QSER1: variants seen among roughly 807,000 people sequenced by gnomAD.
The protein encoded by QSER1 is glutamine and serine rich 1.
Under a neutral mutation model 158.5 loss-of-function variants are expected in QSER1, and 49 were observed. The observed-to-expected ratio is 0.31, with a 90% CI of 0.25 to 0.39. The LOEUF is 0.39. QSER1 is among the 10% of genes least tolerant of loss of function. QSER1 has a pLI of 1.00. For missense variants in QSER1, 1,754 were observed against 2,010.3 expected, an observed-to-expected ratio of 0.87 and a Z score of 2.44; for synonymous variants, 650 against 715.5, an observed-to-expected ratio of 0.91 and a Z score of 1.46.
intron 4 of QSER1, among the ~76,000 whole-genome samples, chr11:32,943,446 G>A (rs1000616951): frequency 2.5e-4 from 38 of 151,736 alleles, no homozygotes; most frequent in East Asian, 2.1e-3. Flanking sequence ...AGCATGAAGC[G>A]TTGTTGAATT....
intron 4 of QSER1, among the ~76,000 whole-genome samples, chr11:32,941,631 T>TTG (rs1852239188): frequency 6.6e-6 from 1 of 152,194 alleles, no homozygotes. Flanking sequence ...CAGTCTATCA[T>TTG]TGTAGGACAT....
rs184324583 is a variant in QSER1, at chr11:32,957,971, G to A, written c.4854G>A (p.Gln1618=). 1.4e-5 allele frequency: 23 copies of A among 1,614,038 alleles called. 1 individual carries two copies. In the African/African-American group the frequency reaches 2.7e-4, roughly 19 times the overall value. ...CTTCCGTGAAACCCAAAGTTAAACAGCCAAAAGTAAAGGCTGAGCCACCAC... is the reference window on the plus strand; with the variant it reads ...CTTCCGTGAAACCCAAAGTTAAACAACCAAAAGTAAAGGCTGAGCCACCAC... ...KAPSVKPKVK[Q]PKVKAEPPPK... is the part of the protein sequence containing the mutation. The change falls in exon 8 of 13, where the codon CAG becomes CAA. Residue 1618 remains glutamine (Q), a synonymous_variant. Coordinates refer to ENST00000650167, the MANE Select transcript of QSER1 (RefSeq NM_001076786.3).
intron 10 of QSER1, among the ~76,000 whole-genome samples, chr11:32,970,200 T>C (rs912766878): frequency 6.6e-6 from 1 of 152,220 alleles, no homozygotes; most frequent in Non-Finnish European, 1.5e-5. Context: ...TTATGTGAAC[T>C]CCATGTAAAA....
At chr11:32,943,767 T>A (rs1471252211) in intron 4 of QSER1, among the ~76,000 whole-genome samples, 1 of 152,060 alleles carries the variant, frequency 6.6e-6, no homozygotes, top group Admixed American at 6.6e-5. Context: ...TTAGGGAGGA[T>A]TCCCTCTTTT....
chr11:32,932,657 G>T lies in QSER1; in HGVS notation c.1399G>T (p.Val467Phe). The T allele has an allele frequency of 6.2e-7, 1 of 1,614,118 alleles. No homozygotes were observed. The highest frequency in any genetic ancestry group is 8.5e-7 in the Non-Finnish European group (1 of 1,180,024). ...AGCGCAGCTACCAAGCCTTTTATCA[G>T]TTAGTCAGTCCCAAAATTACGGTTT... is the stretch of plus-strand genomic sequence containing the variant. ...STAQLPSLLS[V>F]SQSQNYGLVQ... Residue 467 changes from valine (V) to phenylalanine (F), a missense_variant, in exon 4 of 13, where the codon GTT (valine) becomes TTT (phenylalanine). Val to Phe is a conservative substitution (Grantham distance 50). This residue lies in a region of QSER1 where 1,707 missense variants were observed against 1,919.6 expected (regional missense o/e 0.89). Coordinates refer to ENST00000650167, the MANE Select transcript of QSER1 (RefSeq NM_001076786.3).
intron 12 of QSER1, 171 bp downstream of exon 12, chr11:32,975,514 TGTTTTGTGCTCA>T: frequency 6.8e-7 from 1 of 1,472,488 alleles, no homozygotes; most frequent in Non-Finnish European, 9.0e-7. Context: ...CTCTCTGCTA[TGTTTTGTGCTCA>T]GATTTACCCG....
At chr11:32,954,657 T>C (rs1230540796) in intron 5 of QSER1, among the ~76,000 whole-genome samples, 1 of 152,238 alleles carries the variant, frequency 6.6e-6, no homozygotes, top group South Asian at 2.1e-4. Flanking sequence ...TTGGGGTTTC[T>C]GTTTGCTTGC....
At chr11:32,943,691 TTC>T (rs1406608853) in intron 4 of QSER1, among the ~76,000 whole-genome samples, 2 of 151,578 alleles carry the variant, frequency 1.3e-5, no homozygotes, top group African/African-American at 2.4e-5. Flanking sequence ...TGGTCTAAAA[TTC>T]TCTTTTTTGG....
chr11:32,965,847 A>G (rs1426511210), intron 8 of QSER1, among the ~76,000 whole-genome samples: 1 of 151,900 alleles, frequency 6.6e-6, no homozygotes, highest in East Asian at 1.9e-4. Flanking sequence ...AGGTTGAGGC[A>G]GGAGAATTGC....
At chr11:32,958,884 T>C (rs1182228769) in intron 8 of QSER1, among the ~76,000 whole-genome samples, 1 of 152,210 alleles carries the variant, frequency 6.6e-6, no homozygotes, top group Non-Finnish European at 1.5e-5. Context: ...GTTTTCTTGT[T>C]TTATAAAATG....
In QSER1 at chr11:32,977,042, G is replaced by A. The variant is rs1038627063; in HGVS notation, c.*568G>A. 1.3e-5 allele frequency: 2 copies of A among 152,526 alleles called. No individual in the cohort carries two copies. The highest frequency in any genetic ancestry group is 2.9e-5 in the Non-Finnish European group (2 of 68,024). 9.4% of individuals were successfully genotyped at this position (152,526 alleles called of 1,614,324 possible). A position where few individuals can be genotyped will look rare whatever the true frequency, so the allele number is the denominator to read the frequency against. On this transcript the variant is annotated 3_prime_UTR_variant, in exon 13 of 13. Coordinates refer to ENST00000650167, the MANE Select transcript of QSER1 (RefSeq NM_001076786.3). Reference sequence around the variant, plus strand: ...ACTCCTTTTACTCTTAACATGTTCAGGAAACTGGATGTGGAATTGGTGCAA... The same window carrying A: ...ACTCCTTTTACTCTTAACATGTTCAAGAAACTGGATGTGGAATTGGTGCAA...
Position 32,933,213 on chromosome 11 carries a change from C to G in QSER1, c.1955C>G (p.Ser652Cys), listed in dbSNP as rs756793225. The change falls in exon 4 of 13, where the codon TCT becomes TGT. Residue 652 changes from serine to cysteine, a missense_variant. This residue lies in a region of QSER1 where 1,707 missense variants were observed against 1,919.6 expected (regional missense o/e 0.89). Transcript: ENST00000650167. ...QKFLPAVQSS[S>C]FASSTHCQTL... ...TTTTTGCCTGCTGTCCAGTCATCAT[C>G]TTTTGCATCCTCTACTCATTGTCAG... 18 of 1,613,926 alleles carry G rather than the reference C, an allele frequency of 1.1e-5. No homozygotes were observed. The African/African-American group carries it at 2.3e-4, about 20-fold the overall frequency.
chr11:32,934,036 CCTCT>C lies in QSER1; in HGVS notation c.2781_2784del (p.Glu929LeufsTer9). On this transcript the variant is annotated frameshift_variant, in exon 4 of 13. Transcript: ENST00000650167. LOFTEE classifies it high-confidence loss of function. ...AAAATTCTGAAGTTATGAAAATGGA[CCTCT>C]CTGAGTCTTCAAAACCATTACAACA... 1.2e-6 allele frequency: 2 copies of C among 1,613,658 alleles called. No homozygotes were observed. The highest frequency in any genetic ancestry group is 1.7e-6 in the Non-Finnish European group (2 of 1,179,868).
chr11:32,932,170 T>C lies in QSER1; in HGVS notation c.912T>C (p.Thr304=), dbSNP rs1341689795. ...AYSSTLFTSS[T]ASIERALLRE... The stretch of plus-strand genomic sequence containing the variant: ...GTTCAACTCTCTTTACTAGTTCTAC[T>C]GCTTCCATTGAAAGAGCTCTTCTTC... The change falls in exon 4 of 13, where the codon ACT becomes ACC. Residue 304 remains threonine (T), a synonymous_variant. Coordinates refer to ENST00000650167, the MANE Select transcript of QSER1 (RefSeq NM_001076786.3). 6.2e-7 allele frequency: 1 copy of C among 1,614,228 alleles called. No individual in the cohort carries two copies. The highest frequency in any genetic ancestry group is 1.7e-5 in the Admixed American group (1 of 60,020).
intron 8 of QSER1, among the ~76,000 whole-genome samples, chr11:32,958,989 G>T (rs571294507): frequency 6.6e-6 from 1 of 152,142 alleles, no homozygotes; most frequent in Non-Finnish European, 1.5e-5. Flanking sequence ...ATTTATGTAG[G>T]TATATCTATT....
At chr11:32,929,934 G>C (rs1165467956) in intron 3 of QSER1, among the ~76,000 whole-genome samples, 2 of 152,170 alleles carry the variant, frequency 1.3e-5, no homozygotes, top group African/African-American at 4.8e-5. Flanking sequence ...GATATTCTCT[G>C]TCCTTTCTAA....
intron 1 of QSER1, among the ~76,000 whole-genome samples, chr11:32,906,371 G>A (rs569916347): frequency 3.5e-4 from 53 of 152,210 alleles, no homozygotes; most frequent in African/African-American, 1.2e-3. Context: ...GCAGTGAGCC[G>A]AGATCGGCGC....
At chr11:32,919,739 C>T (rs952441924) in intron 1 of QSER1, among the ~76,000 whole-genome samples, 1 of 152,178 alleles carries the variant, frequency 6.6e-6, no homozygotes, top group Non-Finnish European at 1.5e-5. Flanking sequence ...AGAGAATCTA[C>T]ATAAATTAAT....
In QSER1 at chr11:32,913,179, C is replaced by CTTTTTTT. The variant is rs61685246; in HGVS notation, c.210-13955_210-13949dup. Among the ~76,000 whole-genome samples, 27 of 54,346 alleles carry CTTTTTTT rather than the reference C, an allele frequency of 5.0e-4. 4 individuals are homozygous for CTTTTTTT. The highest frequency in any genetic ancestry group is 1.4e-3 in the African/African-American group (19 of 13,324). The allele number at this position is 54,346 out of a possible 152,430, so 35.7% of individuals were successfully genotyped here. On this transcript the variant is annotated intron_variant, in intron 1 of 12. Coordinates refer to ENST00000650167, the MANE Select transcript of QSER1 (RefSeq NM_001076786.3). Reference sequence around the variant, plus strand: ...TTTCCCTGGATAATTTCTCCTCTTCCTTTTTTTTTTTTTTTTTTTTTTTTT... The same window carrying CTTTTTTT: ...TTTCCCTGGATAATTTCTCCTCTTCCTTTTTTTTTTTTTTTTTTTTTTTTTTTTTTTT...
Sources: gnomAD v4.1 joint callset for allele counts (sites outside exome capture counted in the v4.1 genomes callset) on GRCh38, gnomAD v4.1.1 for gene constraint, gnomAD v4.1.1 regional missense constraint, MANE v1.5 for transcripts, NCBI Gene and HGNC (gene_info 2026-07-23, HGNC 2026-07-21) for gene names.